The following MAP3K21 variants were observed in gnomAD, a reference collection of about 807,000 sequenced individuals.
MAP3K21 encodes the protein mitogen-activated protein kinase kinase kinase MLK4.
In MAP3K21, 63 loss-of-function variants were observed where a neutral mutation model predicts 86.1. That is an observed-to-expected ratio of 0.73 (90% CI 0.60 to 0.90). The LOEUF is 0.90. Ranked by LOEUF, MAP3K21 falls within the 40% of genes least tolerant of loss-of-function variation. The probability of loss-of-function intolerance (pLI) is 0.00; values close to 1 mark genes in which losing one functional copy is unlikely to be tolerated. For missense variants in MAP3K21, 1,220 were observed against 1,367.7 expected (o/e 0.89, Z 1.70); for synonymous variants, 558 against 564.8 (o/e 0.99, Z 0.17).
In MAP3K21 at chr1:233,362,170, C is replaced by T. The variant is rs1189944429; in HGVS notation, c.1429C>T (p.Arg477Trp). The T allele has an allele frequency of 6.2e-7, 1 of 1,614,142 alleles. No homozygotes were observed. Among genetic ancestry groups the T allele is most frequent in the Non-Finnish European group, 8.5e-7 (1 of 1,180,036 alleles). ...AGAGCGCGAGATCGACGTGCTGGAG[C>T]GGGAACTTAACATTCTGATATTCCA... ...LAEREIDVLE[R>W]ELNILIFQLN... Residue 477 changes from arginine (R) to tryptophan (W), a missense_variant, in exon 5 of 10, where the codon CGG becomes TGG. Transcript: ENST00000366624.
At chr1:233,381,425 T>A (rs1363293624) in intron 9 of MAP3K21, among the ~76,000 whole-genome samples, 1 of 152,236 alleles carries the variant, frequency 6.6e-6, no homozygotes, top group East Asian at 1.9e-4. Context: ...CTTATATACC[T>A]GTCATGAATA....
At position 233,376,479 on chromosome 1, in the gene MAP3K21, A is replaced by T; in HGVS notation, c.1876A>T (p.Lys626Ter). 8 of 1,613,848 alleles carry T rather than the reference A, an allele frequency of 5.0e-6. No homozygotes were observed. Among genetic ancestry groups the T allele is most frequent in the Non-Finnish European group, 6.8e-6 (8 of 1,179,890 alleles). The change falls in exon 8 of 10, where the codon AAA becomes TAA. Residue 626 changes from lysine (K) to a stop codon, truncating the protein, a stop_gained. Coordinates refer to ENST00000366624, the MANE Select transcript of MAP3K21 (RefSeq NM_032435.3). LOFTEE classifies it high-confidence loss of function. The stretch of plus-strand genomic sequence containing the variant: ...CAGTCCTTGGTCAACTATCTTAATA[A>T]AAAATCAGAAAACCATGCCCTTGGC... ...GNSPWSTILI[K>*]NQKTMPLASL...
Position 233,345,593 on chromosome 1 carries a change from G to A in MAP3K21, c.806-849G>A, listed in dbSNP as rs182968986. 3.7e-4 allele frequency among the ~76,000 whole-genome samples: 56 copies of A among 151,050 alleles called. 1 individual carries two copies. In the East Asian group the frequency reaches 0.011, roughly 28 times the overall value. On this transcript the variant is annotated intron_variant, in intron 1 of 9. Coordinates refer to ENST00000366624, the MANE Select transcript of MAP3K21 (RefSeq NM_032435.3). ...ACGGGGGCCTGTCATGGGATGGGGG[G>A]CAGGGGGAGGGATAGCATTAGGAGA...
chr1:233,370,139 C>T (rs1663656565), intron 5 of MAP3K21, among the ~76,000 whole-genome samples: 3 of 152,048 alleles, frequency 2.0e-5, no homozygotes, highest in Non-Finnish European at 4.4e-5. Flanking sequence ...GGTGATTGGC[C>T]GTGCAGATGG....
In MAP3K21 at chr1:233,383,995, G is replaced by T. The variant is rs1026938098; in HGVS notation, c.*1284G>T. The T allele has an allele frequency of 6.6e-6, 1 of 152,040 alleles. No individual in the cohort carries two copies. The highest frequency in any genetic ancestry group is 1.5e-5 in the Non-Finnish European group (1 of 67,980). 9.4% of individuals were successfully genotyped at this position (152,040 alleles called of 1,614,324 possible). A position where few individuals can be genotyped will look rare whatever the true frequency, so the allele number is the denominator to read the frequency against. Reference sequence around the variant, plus strand: ...TGCAGAAATGGCTACCCGAGAGCTTGGTAAATTTGCCTTGGTTTCTTATGT... The same window carrying T: ...TGCAGAAATGGCTACCCGAGAGCTTTGTAAATTTGCCTTGGTTTCTTATGT... On this transcript the variant is annotated 3_prime_UTR_variant, in exon 10 of 10. Transcript: ENST00000366624.
At chr1:233,364,763 T>C (rs1222166151) in intron 5 of MAP3K21, among the ~76,000 whole-genome samples, 1 of 152,202 alleles carries the variant, frequency 6.6e-6, no homozygotes, top group East Asian at 1.9e-4. Flanking sequence ...TATTTACTTT[T>C]TGGCACTTAA....
chr1:233,376,727 G>A (rs952613412), intron 8 of MAP3K21, among the ~76,000 whole-genome samples, 200 bp downstream of exon 8: 2 of 152,166 alleles, frequency 1.3e-5, no homozygotes, highest in African/African-American at 2.4e-5. Flanking sequence ...TAGGCTTCAC[G>A]TGGTTTTGGG....
At chr1:233,333,986 C>T (rs1396599641) in intron 1 of MAP3K21, among the ~76,000 whole-genome samples, 2 of 152,146 alleles carry the variant, frequency 1.3e-5, no homozygotes, top group Non-Finnish European at 2.9e-5. Context: ...CCTCAGCCTC[C>T]CGAGTAGCTG....
At position 233,340,280 on chromosome 1, in the gene MAP3K21, A is replaced by G. The variant is rs559647034; in HGVS notation, c.806-6162A>G. On this transcript the variant is annotated intron_variant, in intron 1 of 9. Transcript: ENST00000366624. ...GTTAATGCCATGGCAGCCTGGACTA[A>G]GAGCTCAGTGCTGGTGCCCTGATTG... 9.2e-5 allele frequency among the ~76,000 whole-genome samples: 14 copies of G among 152,320 alleles called. No individual in the cohort carries two copies. In the South Asian group the frequency reaches 2.3e-3, roughly 25 times the overall value.
chr1:233,340,002 T>TA (rs993527321), intron 1 of MAP3K21, among the ~76,000 whole-genome samples: 162 of 151,536 alleles, frequency 1.1e-3, no homozygotes, highest in Middle Eastern at 3.4e-3. Flanking sequence ...TGTGCAGTAT[T>TA]AAAAAAAAAG....
intron 4 of MAP3K21, among the ~76,000 whole-genome samples, chr1:233,357,335 A>G (rs1332251265): frequency 6.6e-6 from 1 of 152,118 alleles, no homozygotes; most frequent in African/African-American, 2.4e-5. Flanking sequence ...GCACACCAAC[A>G]GGGCGCATGT....
At chr1:233,353,646 A>G (rs1052360206) in intron 2 of MAP3K21, among the ~76,000 whole-genome samples, 161 bp from the exon 3 acceptor site, 2 of 152,236 alleles carry the variant, frequency 1.3e-5, no homozygotes, top group African/African-American at 4.8e-5. Flanking sequence ...GATGGGAAGA[A>G]TCCACCTCCC....
intron 5 of MAP3K21, among the ~76,000 whole-genome samples, chr1:233,370,902 C>G (rs1215298969): frequency 2.0e-5 from 3 of 152,206 alleles, no homozygotes; most frequent in African/African-American, 7.2e-5. Context: ...TCTGCTCTTA[C>G]CTAGTTATAA....
chr1:233,328,417 T>C lies in MAP3K21; in HGVS notation c.389T>C (p.Ile130Thr). 1 of 1,493,882 alleles carries C rather than the reference T, an allele frequency of 6.7e-7. No individual in the cohort carries two copies. The highest frequency in any genetic ancestry group is 8.8e-7 in the Non-Finnish European group (1 of 1,130,092). The allele number at this position is 1,493,882 out of a possible 1,614,324, so 92.5% of individuals were successfully genotyped here. A position where few individuals can be genotyped will look rare whatever the true frequency, so the allele number is the denominator to read the frequency against. Residue 130 changes from isoleucine to threonine, a missense_variant, in exon 1 of 10, where the codon ATC (isoleucine) becomes ACC (threonine). Around this residue, in one of 5 missense-constraint regions of MAP3K21, gnomAD observed 369 missense variants for 385.3 expected, o/e 0.96. Coordinates refer to ENST00000366624, the MANE Select transcript of MAP3K21 (RefSeq NM_032435.3). The surrounding 1 kb of genome is among the most constrained non-coding windows in gnomAD (Gnocchi z 8.7). ...AFERLELKEL[I>T]GAGGFGQVYR... ...GAGCGGCTGGAGCTGAAGGAGCTCA[T>C]CGGCGCTGGGGGCTTCGGGCAGGTG...
intron 5 of MAP3K21, among the ~76,000 whole-genome samples, chr1:233,368,466 C>A (rs550442391): frequency 3.9e-5 from 6 of 152,036 alleles, no homozygotes; most frequent in Non-Finnish European, 7.4e-5. Context: ...CCAGCCTGGG[C>A]AACATGGTGA....
chr1:233,343,348 T>G (rs1190668647), intron 1 of MAP3K21, among the ~76,000 whole-genome samples: 1 of 152,228 alleles, frequency 6.6e-6, no homozygotes, highest in Non-Finnish European at 1.5e-5. Context: ...TTCTGAGCAC[T>G]TCACATGTAT....
At position 233,379,289 on chromosome 1, in the gene MAP3K21, G is replaced by A. The variant is rs1278860822; in HGVS notation, c.2283G>A (p.Glu761=). The A allele has an allele frequency of 1.2e-6, 2 of 1,614,220 alleles. No homozygotes were observed. The highest frequency in any genetic ancestry group is 2.2e-5 in the South Asian group (2 of 91,084). ...PLPKEEKKKR[E]GIFQRASKSR... ...CCAAGGAAGAGAAGAAGAAACGAGA[G>A]GGAATCTTCCAGCGGGCTTCCAAGT... The change falls in exon 9 of 10, where the codon GAG becomes GAA. Residue 761 remains glutamate (E), a synonymous_variant. Coordinates refer to ENST00000366624, the MANE Select transcript of MAP3K21 (RefSeq NM_032435.3).
chr1:233,328,933 C>G lies in MAP3K21; in HGVS notation c.805+100C>G, dbSNP rs1662761543. ...CAGATGGAAAGAGGTGGGAGTCAGC[C>G]TTAGGGCGCCAGCAGCAACTCATGC... On this transcript the variant is annotated intron_variant, in intron 1 of 9. Transcript: ENST00000366624. This position sits in a 1 kb window ranked among gnomAD's most constrained non-coding sequence, Gnocchi z 8.7. 1 of 1,178,122 alleles carries G rather than the reference C, an allele frequency of 8.5e-7. No homozygotes were observed. 73.0% of individuals were successfully genotyped at this position (1,178,122 alleles called of 1,614,324 possible).
At chr1:233,377,587 G>C (rs1663824380) in intron 8 of MAP3K21, among the ~76,000 whole-genome samples, 1 of 152,140 alleles carries the variant, frequency 6.6e-6, no homozygotes, top group Non-Finnish European at 1.5e-5. Context: ...AAAGAAAGCT[G>C]GCACCCCAAA....
Sources: allele counts gnomAD v4.1 joint callset (sites outside exome capture counted in the v4.1 genomes callset), GRCh38; gene constraint gnomAD v4.1.1; regional missense constraint gnomAD v4.1.1; non-coding constraint Gnocchi (gnomAD v3.1); transcripts MANE v1.5; gene names NCBI Gene and HGNC (gene_info 2026-07-23, HGNC 2026-07-21).